PTPRA: variants seen among roughly 807,000 people sequenced by gnomAD.
PTPRA encodes protein tyrosine phosphatase receptor type A.
In PTPRA, 25 loss-of-function variants were observed where a neutral mutation model predicts 104.8. The observed-to-expected ratio is 0.24, with a 90% CI of 0.17 to 0.33. The LOEUF (loss-of-function observed/expected upper bound fraction) is 0.33, where lower values mean the gene tolerates loss of function less well. PTPRA is among the 10% of genes least tolerant of loss of function. The pLI is 1.00. For synonymous variants in PTPRA, 323 were observed against 368.9 expected (o/e 0.88, Z 1.43); for missense variants, 765 against 1,015.3 (o/e 0.75, Z 3.35).
intron 10 of PTPRA, 48 bp from the exon 11 acceptor site, chr20:3,007,296 G>T: frequency 6.4e-7 from 1 of 1,570,430 alleles, no homozygotes; most frequent in South Asian, 1.1e-5. Flanking sequence ...CAGGTTCTGT[G>T]AGAAATAAAT....
In PTPRA at chr20:2,909,965, TA is replaced by T; in HGVS notation, c.-128-13241del. On this transcript the variant is annotated intron_variant, in intron 1 of 23. Coordinates refer to ENST00000399903, the MANE Select transcript of PTPRA (RefSeq NM_001385305.1). ...TGTAATTATATATTATAATATATGA[TA>T]TATATATAATCTATCATATATCATA... is the stretch of plus-strand genomic sequence containing the variant. Among the ~76,000 whole-genome samples the T allele has an allele frequency of 1.8e-5, 2 of 112,846 alleles. 1 individual carries two copies. The highest frequency in any genetic ancestry group is 7.7e-5 in the African/African-American group (2 of 26,034). 74.0% of individuals were successfully genotyped at this position (112,846 alleles called of 152,430 possible).
chr20:3,026,907 CA>C, intron 18 of PTPRA, 127 bp downstream of exon 18: 1 of 968,528 alleles, frequency 1.0e-6, no homozygotes, highest in Non-Finnish European at 1.6e-6. Context: ...CCTCTTGTTG[CA>C]CCCACTTAAC....
chr20:2,910,399 A>AAATG (rs1392432095), intron 1 of PTPRA, among the ~76,000 whole-genome samples: 1,546 of 66,522 alleles, frequency 0.023, 139 homozygotes, highest in Admixed American at 0.093. Context: ...TTTATATATA[A>AAATG]TATATTTTGT....
chr20:2,960,475 T>G (rs2061712736), intron 3 of PTPRA, among the ~76,000 whole-genome samples: 1 of 152,004 alleles, frequency 6.6e-6, no homozygotes, highest in Non-Finnish European at 1.5e-5. Flanking sequence ...GGTCTCGATC[T>G]CCTGACCTCG....
chr20:2,876,985 A>G (rs2089760646), intron 1 of PTPRA, among the ~76,000 whole-genome samples: 1 of 152,184 alleles, frequency 6.6e-6, no homozygotes, highest in African/African-American at 2.4e-5. Flanking sequence ...CTTGTGCAGG[A>G]TGATCAGTGC....
At chr20:2,912,512 T>A (rs1450138907) in intron 1 of PTPRA, among the ~76,000 whole-genome samples, 1 of 151,664 alleles carries the variant, frequency 6.6e-6, no homozygotes, top group African/African-American at 2.4e-5. Flanking sequence ...TAGTCCCAGC[T>A]CCTTTGCAGG....
chr20:2,866,273 G>T, the PTPRA span: 1 of 1,614,060 alleles, frequency 6.2e-7, no homozygotes, highest in Non-Finnish European at 8.5e-7. Flanking sequence ...TATGCTTCCC[G>T]CGTGGGTCCC....
At chr20:2,891,927 GT>G (rs915164956) in intron 1 of PTPRA, among the ~76,000 whole-genome samples, 27 of 152,064 alleles carry the variant, frequency 1.8e-4, no homozygotes, top group African/African-American at 6.3e-4. Context: ...GTATTTTTAA[GT>G]TTGTTTCTTA....
chr20:3,033,315 C>T lies in PTPRA; in HGVS notation c.1921-2270C>T, dbSNP rs141795365. Among the ~76,000 whole-genome samples the T allele has an allele frequency of 1.1e-3, 172 of 151,968 alleles. 1 individual carries two copies. The highest frequency in any genetic ancestry group is 2.9e-3 in the Admixed American group (45 of 15,264). ...TGCCCAGTTGCTCATGTCTAAAATC[C>T]GGGAGTTACCTTCCTTCCTCCCCTC... On this transcript the variant is annotated intron_variant, in intron 20 of 23. Transcript: ENST00000399903.
At chr20:2,971,995 G>A (rs546274631) in intron 5 of PTPRA, among the ~76,000 whole-genome samples, 11 of 151,954 alleles carry the variant, frequency 7.2e-5, no homozygotes, top group South Asian at 2.1e-4. Context: ...CACCATGCCC[G>A]GCTAATTTTT....
rs546241829 is a variant in PTPRA, at chr20:2,915,948, T to G, written c.-128-7259T>G. ...GAGATTGCATCACTGCACTCCAGCC[T>G]GGGCCACAGAGCGAAACTATGTTTC... On this transcript the variant is annotated intron_variant, in intron 1 of 23. Coordinates refer to ENST00000399903, the MANE Select transcript of PTPRA (RefSeq NM_001385305.1). 4.6e-5 allele frequency among the ~76,000 whole-genome samples: 7 copies of G among 152,356 alleles called. No homozygotes were observed. In the East Asian group the frequency reaches 1.3e-3, roughly 29 times the overall value.
chr20:3,032,165 C>G (rs957622533), intron 20 of PTPRA, among the ~76,000 whole-genome samples: 1 of 152,210 alleles, frequency 6.6e-6, no homozygotes, highest in East Asian at 1.9e-4. Context: ...CACCCCCAAA[C>G]AACCAGCCTC....
chr20:2,880,189 CTGT>C (rs1354696517), intron 1 of PTPRA, among the ~76,000 whole-genome samples: 1 of 152,158 alleles, frequency 6.6e-6, no homozygotes, highest in Non-Finnish European at 1.5e-5. Flanking sequence ...TTCACTGTGG[CTGT>C]AGTCCAGAGC....
Position 3,005,084 on chromosome 20 carries a change from C to T in PTPRA, c.767C>T (p.Thr256Ile). 1 of 1,611,402 alleles carries T rather than the reference C, an allele frequency of 6.2e-7. No individual in the cohort carries two copies. Among genetic ancestry groups the T allele is most frequent in the Non-Finnish European group, 8.5e-7 (1 of 1,177,572 alleles). ...NALPACPIQA[T>I]CEAASKEENK... Reference sequence around the variant, plus strand: ...CTCCCTGCATGTCCTATCCAGGCCACCTGTGAGGCTGCTTCCAAGGAGGAA... The same window carrying T: ...CTCCCTGCATGTCCTATCCAGGCCATCTGTGAGGCTGCTTCCAAGGAGGAA... Residue 256 changes from threonine to isoleucine, a missense_variant, in exon 10 of 24, where the codon ACC becomes ATC. Transcript: ENST00000399903.
At position 2,942,920 on chromosome 20, in the gene PTPRA, T is replaced by G. The variant is rs550426394; in HGVS notation, c.-49-5062T>G. On this transcript the variant is annotated intron_variant, in intron 2 of 23. Transcript: ENST00000399903. ...ATACATAGCTGTGATAAAGTTTAAT[T>G]TATAAATTAGGCACAGTAAAAAATT... Among the ~76,000 whole-genome samples, 16 of 152,134 alleles carry G rather than the reference T, an allele frequency of 1.1e-4. 1 individual carries two copies. In the East Asian group the frequency reaches 3.1e-3, roughly 29 times the overall value.
At chr20:2,888,007 C>T (rs1232790175) in intron 1 of PTPRA, among the ~76,000 whole-genome samples, 1 of 152,200 alleles carries the variant, frequency 6.6e-6, no homozygotes, top group East Asian at 1.9e-4. Context: ...GATTTCCAGC[C>T]AGTATTTCTC....
intron 9 of PTPRA, among the ~76,000 whole-genome samples, chr20:2,989,926 AG>A (rs2063094835): frequency 6.6e-6 from 1 of 152,052 alleles, no homozygotes; most frequent in Admixed American, 6.5e-5. Context: ...CTGAGGCAGG[AG>A]AATGGTCAGA....
chr20:3,023,946 G>A (rs1464873405), intron 16 of PTPRA, among the ~76,000 whole-genome samples: 1 of 152,258 alleles, frequency 6.6e-6, no homozygotes, highest in African/African-American at 2.4e-5. Flanking sequence ...CGAGCACAGA[G>A]GAGGTTGTGG....
intron 11 of PTPRA, among the ~76,000 whole-genome samples, chr20:3,008,231 G>A (rs567448980): frequency 6.6e-6 from 1 of 152,296 alleles, no homozygotes; most frequent in East Asian, 1.9e-4. Context: ...GTCCATTGAC[G>A]GATGAGTGAA....
Sources: allele counts gnomAD v4.1 joint callset (sites outside exome capture counted in the v4.1 genomes callset), GRCh38; gene constraint gnomAD v4.1.1; transcripts MANE v1.5; gene names NCBI Gene and HGNC (gene_info 2026-07-23, HGNC 2026-07-21).